DLGAP1: variants seen among roughly 807,000 people sequenced by gnomAD.
The protein encoded by DLGAP1 is DLG associated protein 1.
Under a neutral mutation model 90.8 loss-of-function variants are expected in DLGAP1, and 11 were observed. The ratio of observed to expected loss-of-function variants is 0.12; its 90% confidence interval spans 0.08 to 0.20. The LOEUF is 0.20. Among genes scored for constraint, DLGAP1 ranks in the 10% least tolerant of loss-of-function variants. DLGAP1 has a pLI of 1.00. For synonymous variants in DLGAP1, 558 were observed against 540.7 expected (o/e 1.03, Z -0.44); for missense variants, 1,050 against 1,333.8 (o/e 0.79, Z 3.31).
chr18:4,117,748 G>C (rs758762038), intron 2 of DLGAP1, among the ~76,000 whole-genome samples: 2 of 152,168 alleles, frequency 1.3e-5, no homozygotes, highest in African/African-American at 2.4e-5. Context: ...ACAGTCTTGG[G>C]TGTGTACAGG....
chr18:3,588,911 G>C (rs140854595), intron 7 of DLGAP1, among the ~76,000 whole-genome samples: 2 of 152,210 alleles, frequency 1.3e-5, no homozygotes, highest in Non-Finnish European at 2.9e-5. Context: ...GGCCAGGCGC[G>C]GTGGCTTATG....
rs373685400 is a variant in DLGAP1 at position 3,534,428 on chromosome 18, G to C, written c.2245C>G (p.His749Asp). The C allele has an allele frequency of 3.1e-6, 5 of 1,614,074 alleles. No homozygotes were observed. The highest frequency in any genetic ancestry group is 1.3e-5 in the African/African-American group (1 of 74,928). The stretch of plus-strand genomic sequence containing the variant: ...AAGTCATCATCGGCGGCACAGGCAT[G>C]GTAATGGTTTCCTGAGCCCTGAATG... ...VSIQGSGNHYHACAADDDFDT... is the reference protein window; with the variant it reads ...VSIQGSGNHYDACAADDDFDT... Residue 749 changes from histidine (H) to aspartate (D), a missense_variant, in exon 10 of 13, where the codon CAT becomes GAT. By Grantham distance (81) the His-to-Asp change is moderately conservative. Transcript: ENST00000315677.
intron 1 of DLGAP1, among the ~76,000 whole-genome samples, chr18:4,217,894 T>G (rs1170506064): frequency 6.6e-6 from 1 of 152,074 alleles, no homozygotes; most frequent in Non-Finnish European, 1.5e-5. Context: ...AGGTTTTTTC[T>G]GAAAGTAGTT....
intron 7 of DLGAP1, among the ~76,000 whole-genome samples, chr18:3,592,569 T>A (rs2056310393): frequency 6.6e-6 from 1 of 152,062 alleles, no homozygotes; most frequent in African/African-American, 2.4e-5. Context: ...CTGGGTGTGG[T>A]GGCTCACACC....
chr18:4,435,532 A>G (rs280999), intron 1 of DLGAP1, among the ~76,000 whole-genome samples: 38,265 of 152,064 alleles, frequency 0.25, 5,548 homozygotes, highest in Non-Finnish European at 0.31. Flanking sequence ...TTAAAATGGT[A>G]ACAAAGGAGG....
At chr18:4,054,245 T>C (rs2075179678) in intron 2 of DLGAP1, among the ~76,000 whole-genome samples, 1 of 152,204 alleles carries the variant, frequency 6.6e-6, no homozygotes, top group Non-Finnish European at 1.5e-5. Context: ...CCATGAGGGA[T>C]AGATAGTATA....
At chr18:4,319,112 A>C (rs1387457251) in intron 1 of DLGAP1, among the ~76,000 whole-genome samples, 1 of 152,214 alleles carries the variant, frequency 6.6e-6, no homozygotes, top group Admixed American at 6.5e-5. Context: ...TCACACCATA[A>C]ATAAATACAA....
chr18:4,003,156 G>T (rs1451494146), intron 3 of DLGAP1, among the ~76,000 whole-genome samples: 1 of 152,154 alleles, frequency 6.6e-6, no homozygotes, highest in African/African-American at 2.4e-5. Flanking sequence ...TAAAATGAGG[G>T]GGGAATATAC....
At chr18:3,904,580 G>T (rs538699259) in intron 3 of DLGAP1, among the ~76,000 whole-genome samples, 1 of 152,300 alleles carries the variant, frequency 6.6e-6, no homozygotes, top group South Asian at 2.1e-4. Flanking sequence ...TTACCATTTG[G>T]TGGGTTTTTA....
At chr18:3,598,336 G>A (rs1380113317) in intron 7 of DLGAP1, 1 of 152,136 alleles carries the variant, frequency 6.6e-6, no homozygotes, top group Non-Finnish European at 1.5e-5. Context: ...CCAGGCGGTG[G>A]AGTGAGTCTC....
chr18:4,230,608 T>C (rs1350695106), intron 1 of DLGAP1, among the ~76,000 whole-genome samples: 1 of 150,390 alleles, frequency 6.6e-6, no homozygotes, highest in African/African-American at 2.4e-5. Context: ...AGATAGAAAA[T>C]AGAATGATGG....
At chr18:3,523,429 G>A (rs571526767) in intron 10 of DLGAP1, among the ~76,000 whole-genome samples, 19 of 151,472 alleles carry the variant, frequency 1.3e-4, no homozygotes, top group African/African-American at 3.1e-4. Context: ...CCTACAACCC[G>A]GGAAAAAATA....
chr18:4,416,270 G>A (rs1017822289), intron 1 of DLGAP1, among the ~76,000 whole-genome samples: 1 of 152,062 alleles, frequency 6.6e-6, no homozygotes, highest in Non-Finnish European at 1.5e-5. Context: ...GTCCTTTGTG[G>A]ATCAATTATA....
intron 7 of DLGAP1, among the ~76,000 whole-genome samples, chr18:3,586,370 A>C (rs748127401): frequency 3.3e-5 from 5 of 152,152 alleles, no homozygotes; most frequent in Non-Finnish European, 7.4e-5. Flanking sequence ...TAAGGACAGG[A>C]ACCATCTCCC....
chr18:4,067,199 G>A (rs2075382546), intron 2 of DLGAP1, among the ~76,000 whole-genome samples: 1 of 152,058 alleles, frequency 6.6e-6, no homozygotes, highest in African/African-American at 2.4e-5. Context: ...GGAGGAGGAA[G>A]AGGATCAAGA....
intron 7 of DLGAP1, among the ~76,000 whole-genome samples, chr18:3,705,263 T>C (rs2061397055): frequency 6.6e-6 from 1 of 152,072 alleles, no homozygotes; most frequent in Non-Finnish European, 1.5e-5. Flanking sequence ...ATTATTCCAG[T>C]TTATTTTGTG....
intron 3 of DLGAP1, among the ~76,000 whole-genome samples, chr18:3,982,425 ATGAT>A (rs2073752351): frequency 6.6e-6 from 1 of 152,212 alleles, no homozygotes; most frequent in Non-Finnish European, 1.5e-5. Flanking sequence ...TACAATGTGA[ATGAT>A]TAACTTTGCA....
chr18:3,611,065 G>A (rs751448172), intron 7 of DLGAP1, among the ~76,000 whole-genome samples: 2 of 151,764 alleles, frequency 1.3e-5, no homozygotes, highest in Non-Finnish European at 2.9e-5. Flanking sequence ...CCAGGAGGTC[G>A]AGGCTGCTGT....
At chr18:4,051,199 G>T (rs1352102109) in intron 2 of DLGAP1, among the ~76,000 whole-genome samples, 1 of 152,114 alleles carries the variant, frequency 6.6e-6, no homozygotes, top group Non-Finnish European at 1.5e-5. Flanking sequence ...CTGGATCTTA[G>T]TTACCCTATT....
Sources: allele counts gnomAD v4.1 joint callset (sites outside exome capture counted in the v4.1 genomes callset), GRCh38; gene constraint gnomAD v4.1.1; transcripts MANE v1.5; gene names NCBI Gene and HGNC (gene_info 2026-07-23, HGNC 2026-07-21).